The following PPP6R2 variants were observed in gnomAD, a reference collection of about 807,000 sequenced individuals.
PPP6R2 encodes the protein protein phosphatase 6 regulatory subunit 2.
Under a neutral mutation model 100.2 loss-of-function variants are expected in PPP6R2, and 62 were observed. The observed-to-expected ratio is 0.62, with a 90% CI of 0.50 to 0.76. The LOEUF is 0.76. Ranked by LOEUF, PPP6R2 falls within the 30% of genes least tolerant of loss-of-function variation. The pLI, the probability that PPP6R2 is intolerant of heterozygous loss-of-function variation, is 0.00. For synonymous variants in PPP6R2, 525 were observed against 514.7 expected (o/e 1.02, Z -0.27); for missense variants, 1,142 against 1,276.3 (o/e 0.89, Z 1.60).
intron 13 of PPP6R2, among the ~76,000 whole-genome samples, chr22:50,435,421 T>C (rs1426338591): frequency 6.6e-6 from 1 of 152,222 alleles, no homozygotes; most frequent in East Asian, 1.9e-4. Context: ...GAGCCCTGCC[T>C]GGCTAGGCTG....
rs117643240 is a variant in PPP6R2, at chr22:50,437,727, T to C, written c.1782-116T>C. On this transcript the variant is annotated intron_variant, in intron 16 of 23. Coordinates refer to ENST00000612753, the MANE Select transcript of PPP6R2 (RefSeq NM_001242898.2). ...TGATGTCCCCGGGAGACAGCAGGTGTTCCCAGTTGTGTGAGGGTGCTGAGG... is the reference window on the plus strand; with the variant it reads ...TGATGTCCCCGGGAGACAGCAGGTGCTCCCAGTTGTGTGAGGGTGCTGAGG... The C allele has an allele frequency of 5.5e-4, 759 of 1,391,312 alleles. 7 individuals carry two copies. In the East Asian group the frequency reaches 0.016, roughly 29 times the overall value. The allele number at this position is 1,391,312 out of a possible 1,614,324, so 86.2% of individuals were successfully genotyped here.
At chr22:50,370,360 T>C (rs1381118944) in intron 1 of PPP6R2, among the ~76,000 whole-genome samples, 2 of 152,172 alleles carry the variant, frequency 1.3e-5, no homozygotes, top group Admixed American at 6.5e-5. Context: ...CGATCTCGGC[T>C]CACTGCAACC....
chr22:50,358,693 C>T (rs1002126538), intron 1 of PPP6R2, among the ~76,000 whole-genome samples: 2 of 152,112 alleles, frequency 1.3e-5, no homozygotes, highest in Non-Finnish European at 2.9e-5. Flanking sequence ...TAAGCAACTG[C>T]TGATCTCTTT....
intron 1 of PPP6R2, among the ~76,000 whole-genome samples, chr22:50,358,144 G>C (rs1047898388): frequency 1.3e-5 from 2 of 151,640 alleles, no homozygotes; most frequent in Non-Finnish European, 2.9e-5. Flanking sequence ...TGGTAGAGAT[G>C]GGGGTCTCTC....
Position 50,431,991 on chromosome 22 carries a change from CAG to C in PPP6R2, c.1336-273_1336-272del, listed in dbSNP as rs997453967. The stretch of plus-strand genomic sequence containing the variant: ...AGAAGGCCCAGGGGAAGACAGGGGT[CAG>C]GGGGCAATTCCAGGAGTTGGAGGAG... On this transcript the variant is annotated intron_variant, in intron 11 of 23. Coordinates refer to ENST00000612753, the MANE Select transcript of PPP6R2 (RefSeq NM_001242898.2). This position sits in a 1 kb window ranked among gnomAD's most constrained non-coding sequence, Gnocchi z 4.8. Among the ~76,000 whole-genome samples the C allele has an allele frequency of 6.6e-5, 10 of 152,022 alleles. No individual in the cohort carries two copies. The highest frequency in any genetic ancestry group is 9.7e-5 in the African/African-American group (4 of 41,388).
upstream of PPP6R2, among the ~76,000 whole-genome samples, chr22:50,340,249 G>C (rs1376063277): frequency 8.5e-6 from 1 of 118,270 alleles, no homozygotes; most frequent in Admixed American, 1.0e-4. Context: ...TGTGTGGTGT[G>C]TGTGGAGGGT....
At position 50,369,636 on chromosome 22, in the gene PPP6R2, C is replaced by G. The variant is rs1343559348; in HGVS notation, c.-147-2384C>G. Reference sequence around the variant, plus strand: ...TCAAGCAATTCTCTTGCCTCAGCCTCCTGAGTATCTGGGATTAGAGGCGTA... The same window carrying G: ...TCAAGCAATTCTCTTGCCTCAGCCTGCTGAGTATCTGGGATTAGAGGCGTA... On this transcript the variant is annotated intron_variant, in intron 1 of 23. Coordinates refer to ENST00000612753, the MANE Select transcript of PPP6R2 (RefSeq NM_001242898.2). Among the ~76,000 whole-genome samples the G allele has an allele frequency of 2.0e-5, 3 of 152,090 alleles. No individual in the cohort carries two copies. In the East Asian group the frequency reaches 5.8e-4, roughly 29 times the overall value.
Position 50,438,708 on chromosome 22 carries a change from G to T in PPP6R2, c.2074G>T (p.Ala692Ser). 1 of 1,613,318 alleles carries T rather than the reference G, an allele frequency of 6.2e-7. No individual in the cohort carries two copies. Among genetic ancestry groups the T allele is most frequent in the Non-Finnish European group, 8.5e-7 (1 of 1,179,726 alleles). The change falls in exon 19 of 24, where the codon GCC becomes TCC. Residue 692 changes from alanine to serine, a missense_variant. Ala to Ser is a moderately conservative substitution (Grantham distance 99). This residue lies in a region of PPP6R2 where 550 missense variants were observed against 517.4 expected (regional missense o/e 1.06). Transcript: ENST00000612753. ...ACACAGAGATGCACCTGGGGCAGGTGCCCCACCGGCCCCCGGGAAGAAGGA... is the reference window on the plus strand; with the variant it reads ...ACACAGAGATGCACCTGGGGCAGGTTCCCCACCGGCCCCCGGGAAGAAGGA... Reference protein sequence around the residue: ...EAHRDAPGAGAPPAPGKKEAP... With the variant: ...EAHRDAPGAGSPPAPGKKEAP...
At chr22:50,417,901 C>A (rs76004082) in intron 6 of PPP6R2, among the ~76,000 whole-genome samples, 2,892 of 152,284 alleles carry the variant, frequency 0.019, 94 homozygotes, top group African/African-American at 0.065. Context: ...GCATGTGAAC[C>A]AATGCTGCAG....
chr22:50,417,749 C>G (rs963983602), intron 6 of PPP6R2, among the ~76,000 whole-genome samples: 1 of 152,224 alleles, frequency 6.6e-6, no homozygotes, highest in Non-Finnish European at 1.5e-5. Context: ...TGCCTGAGAA[C>G]TGGAGCCCAC....
chr22:50,403,301 C>T (rs2058338611), intron 3 of PPP6R2, among the ~76,000 whole-genome samples: 1 of 152,206 alleles, frequency 6.6e-6, no homozygotes, highest in South Asian at 2.1e-4. Context: ...TTTGATCTTC[C>T]TCCTCACCCC....
the PPP6R2 span, among the ~76,000 whole-genome samples, chr22:50,332,626 C>CT: frequency 0.052 from 7,012 of 134,098 alleles, 348 homozygotes; most frequent in African/African-American, 0.12. Flanking sequence ...GGTTTAAATC[C>CT]TTTTTTTTTT....
chr22:50,392,179 A>G (rs1057107829), intron 2 of PPP6R2, among the ~76,000 whole-genome samples: 1 of 152,060 alleles, frequency 6.6e-6, no homozygotes, highest in South Asian at 2.1e-4. Flanking sequence ...TACAAGAAGA[A>G]TAAGGAAGAT....
rs143145656 is a variant in PPP6R2 at position 50,382,470 on chromosome 22, C to T, written c.-17+10320C>T. Among the ~76,000 whole-genome samples, 16 of 150,836 alleles carry T rather than the reference C, an allele frequency of 1.1e-4. No individual in the cohort carries two copies. The East Asian group carries it at 2.5e-3, about 24-fold the overall frequency. On this transcript the variant is annotated intron_variant, in intron 2 of 23. Transcript: ENST00000612753. ...AAACTAAGCCAGGCATGGTGGCTCA[C>T]GCCTGTAATCCCAGGCCTGGGCTAG... is the stretch of plus-strand genomic sequence containing the variant.
upstream of PPP6R2, among the ~76,000 whole-genome samples, chr22:50,340,754 A>ACGG (rs560992646): frequency 5.9e-3 from 893 of 151,954 alleles, 11 homozygotes; most frequent in Admixed American, 0.039. Flanking sequence ...GCAGCAGCCA[A>ACGG]CGGCGGGAGG....
Position 50,414,704 on chromosome 22 carries a change from C to A in PPP6R2, c.552+15C>A, listed in dbSNP as rs60747916. On this transcript the variant is annotated intron_variant, in intron 5 of 23. Coordinates refer to ENST00000612753, the MANE Select transcript of PPP6R2 (RefSeq NM_001242898.2). ...ACGTCCTGCACGTGAGTGCGGGAGTCCCCCCCCGTTCCCGAGGGCAGGGGT... is the reference window on the plus strand; with the variant it reads ...ACGTCCTGCACGTGAGTGCGGGAGTACCCCCCCGTTCCCGAGGGCAGGGGT... 6 of 637,248 alleles carry A rather than the reference C, an allele frequency of 9.4e-6. No homozygotes were observed. The highest frequency in any genetic ancestry group is 1.2e-4 in the Admixed American group (2 of 16,166). 39.5% of individuals were successfully genotyped at this position (637,248 alleles called of 1,614,324 possible).
At chr22:50,381,012 G>A (rs28472552) in intron 2 of PPP6R2, among the ~76,000 whole-genome samples, 8,547 of 147,928 alleles carry the variant, frequency 0.058, 561 homozygotes, top group African/African-American at 0.15. Flanking sequence ...AAATTAGCTG[G>A]GCGAGGCAGG....
chr22:50,416,245 G>A (rs1603308374), intron 6 of PPP6R2, 88 bp downstream of exon 6: 2 of 1,203,124 alleles, frequency 1.7e-6, no homozygotes, highest in Non-Finnish European at 2.4e-6. Flanking sequence ...GGCGAGGGAG[G>A]GCAAGTCATC....
chr22:50,363,719 T>C (rs2048221949), intron 1 of PPP6R2, among the ~76,000 whole-genome samples: 1 of 152,186 alleles, frequency 6.6e-6, no homozygotes, highest in African/African-American at 2.4e-5. Context: ...TGGGCTCATC[T>C]GACCATTCAG....
Sources: allele counts gnomAD v4.1 joint callset (sites outside exome capture counted in the v4.1 genomes callset), GRCh38; gene constraint gnomAD v4.1.1; regional missense constraint gnomAD v4.1.1; non-coding constraint Gnocchi (gnomAD v3.1); transcripts MANE v1.5; gene names NCBI Gene and HGNC (gene_info 2026-07-23, HGNC 2026-07-21).